CTSZ: variants seen among roughly 807,000 people sequenced by gnomAD.
CTSZ encodes cathepsin Z.
CTSZ carries 39 observed loss-of-function variants against 32.4 expected under a neutral mutation model. That is an observed-to-expected ratio of 1.20 (90% confidence interval 0.93 to 1.57). The LOEUF is 1.57. Ranked by LOEUF, CTSZ falls within the 40% of genes most tolerant of loss-of-function variation. CTSZ has a pLI of 0.00. For missense variants in CTSZ, 397 were observed against 419.6 expected (o/e 0.95, Z 0.47); for synonymous variants, 168 against 170.1 (o/e 0.99, Z 0.10).
Position 59,004,867 on chromosome 20 carries a change from G to A in CTSZ, c.307+1455C>T, listed in dbSNP as rs1365660640. ...CAGAGAGAGTCCCCTGGGGAAATGC[G>A]GCAGGGCTGACCCCTGGCCAGGGTC... On this transcript the variant is annotated intron_variant, in intron 2 of 5. Coordinates refer to ENST00000217131, the MANE Select transcript of CTSZ (RefSeq NM_001336.4). This position sits in a 1 kb window ranked among gnomAD's most constrained non-coding sequence, Gnocchi z 5.6. Among the ~76,000 whole-genome samples, 6 of 152,038 alleles carry A rather than the reference G, an allele frequency of 3.9e-5. No individual in the cohort carries two copies. The highest frequency in any genetic ancestry group is 2.6e-4 in the Admixed American group (4 of 15,274).
At position 58,995,490 on chromosome 20, in the gene CTSZ, T is replaced by C; in HGVS notation, c.*159A>G. ...TGTCATAAGTCATCCCACTTTCAAC[T>C]CTCAGGAACACTCGCAGCCAGTGCC... On this transcript the variant is annotated 3_prime_UTR_variant, in exon 6 of 6. Coordinates refer to ENST00000217131, the MANE Select transcript of CTSZ (RefSeq NM_001336.4). 1.6e-6 allele frequency: 1 copy of C among 609,592 alleles called. No individual in the cohort carries two copies. The highest frequency in any genetic ancestry group is 2.9e-6 in the Non-Finnish European group (1 of 345,872). The allele number at this position is 609,592 out of a possible 1,614,324, so 37.8% of individuals were successfully genotyped here.
At chr20:58,998,543 T>C (rs2091872047) in intron 3 of CTSZ, among the ~76,000 whole-genome samples, 2 of 38,000 alleles carry the variant, frequency 5.3e-5, no homozygotes, top group Non-Finnish European at 1.0e-4. Flanking sequence ...CGAGACTCCG[T>C]CTCAAAAAAA....
chr20:59,007,182 C>T lies in CTSZ; in HGVS notation c.-54G>A. 1.5e-6 allele frequency: 2 copies of T among 1,297,566 alleles called. No homozygotes were observed. Among genetic ancestry groups the T allele is most frequent in the Non-Finnish European group, 1.9e-6 (2 of 1,030,254 alleles). The allele number at this position is 1,297,566 out of a possible 1,614,324, so 80.4% of individuals were successfully genotyped here. ...CCGGATCCCGCTCCGAGTCCCAGAT[C>T]CCGCGCCGGCTCCCGCTCTGGATCC... On this transcript the variant is annotated 5_prime_UTR_variant, in exon 1 of 6. Coordinates refer to ENST00000217131, the MANE Select transcript of CTSZ (RefSeq NM_001336.4).
At chr20:58,998,352 C>T (rs1334762001) in intron 3 of CTSZ, among the ~76,000 whole-genome samples, 4 of 148,362 alleles carry the variant, frequency 2.7e-5, no homozygotes, top group Admixed American at 2.7e-4. Flanking sequence ...ACCAGCCTGG[C>T]CAACATGGTG....
chr20:58,999,962 C>G (rs1010819369), intron 3 of CTSZ, among the ~76,000 whole-genome samples: 1 of 151,892 alleles, frequency 6.6e-6, no homozygotes, highest in Non-Finnish European at 1.5e-5. Flanking sequence ...CCAGCTACTC[C>G]GGAGGCTGAG....
In CTSZ at chr20:58,996,638, C is replaced by T. The variant is rs1185646018; in HGVS notation, c.801+1G>A. ...ACCTTAAGAAAATGAAAACATCTTACCCATGGTTCACCCCATGAATTCCGG... is the reference window on the plus strand; with the variant it reads ...ACCTTAAGAAAATGAAAACATCTTATCCATGGTTCACCCCATGAATTCCGG... On this transcript the variant is annotated splice_donor_variant, in intron 5 of 5. Coordinates refer to ENST00000217131, the MANE Select transcript of CTSZ (RefSeq NM_001336.4). LOFTEE classifies it high-confidence loss of function. 2 of 1,604,692 alleles carry T rather than the reference C, an allele frequency of 1.2e-6. No homozygotes were observed. Among genetic ancestry groups the T allele is most frequent in the Non-Finnish European group, 1.7e-6 (2 of 1,174,986 alleles).
intron 3 of CTSZ, 83 bp from the exon 4 acceptor site, chr20:58,997,836 C>G: frequency 1.5e-6 from 2 of 1,293,802 alleles, no homozygotes; most frequent in Non-Finnish European, 1.1e-6. Context: ...CCACTCTCCA[C>G]TCTCATCATG....
rs892252273 is a variant in CTSZ at position 59,001,591 on chromosome 20, G to T, written c.361C>A (p.Gln121Lys). The T allele has an allele frequency of 1.3e-5, 21 of 1,614,090 alleles. No homozygotes were observed. The highest frequency in any genetic ancestry group is 1.8e-5 in the Non-Finnish European group (21 of 1,180,034). ...GCGTTACCGCAGTCGATGACGTTCT[G>T]CACGGACAGGAGGGTGGAGGGCCAC... ...GAWPSTLLSVQNVIDCGNAGS... is the reference protein window; with the variant it reads ...GAWPSTLLSVKNVIDCGNAGS... The change falls in exon 3 of 6, where the codon CAG becomes AAG. Residue 121 changes from glutamine to lysine, a missense_variant. Transcript: ENST00000217131.
Position 59,001,647 on chromosome 20 carries a change from G to C in CTSZ, c.308-3C>G. ...CTTCCTCTTGATGTTGATCCGATCT[G>C]CAACAGTCAGCACCTGCCAGTCAGC... On this transcript the variant is annotated splice_polypyrimidine_tract_variant and splice_region_variant and intron_variant, in intron 2 of 5. Transcript: ENST00000217131. The C allele has an allele frequency of 6.2e-7, 1 of 1,611,950 alleles. No individual in the cohort carries two copies.
chr20:58,996,751 TAG>T lies in CTSZ; in HGVS notation c.687_688del (p.Tyr230CysfsTer22). 2.5e-6 allele frequency: 4 copies of T among 1,614,228 alleles called. No individual in the cohort carries two copies. Among genetic ancestry groups the T allele is most frequent in the Non-Finnish European group, 3.4e-6 (4 of 1,180,038 alleles). ...ATATGTGGTGTCCTGGTATTCGGCATAGATGCCTCCGGTGTAGTTAGCCAGTC... is the reference window on the plus strand; with the variant it reads ...ATATGTGGTGTCCTGGTATTCGGCATATGCCTCCGGTGTAGTTAGCCAGTC... On this transcript the variant is annotated frameshift_variant, in exon 5 of 6. Transcript: ENST00000217131. LOFTEE classifies it high-confidence loss of function.
At position 59,006,150 on chromosome 20, in the gene CTSZ, G is replaced by A. The variant is rs576483145; in HGVS notation, c.307+172C>T. 1.0e-5 allele frequency: 8 copies of A among 772,288 alleles called. No homozygotes were observed. In the South Asian group the frequency reaches 1.5e-4, roughly 15 times the overall value. 47.8% of individuals were successfully genotyped at this position (772,288 alleles called of 1,614,324 possible). A position where few individuals can be genotyped will look rare whatever the true frequency, so the allele number is the denominator to read the frequency against. On this transcript the variant is annotated intron_variant, in intron 2 of 5. Coordinates refer to ENST00000217131, the MANE Select transcript of CTSZ (RefSeq NM_001336.4). ...CAAAAGCCCCAGAATGACCCAGCTT[G>A]GGTCACCTCAGCAGAGGGCAAAGGC...
intron 3 of CTSZ, among the ~76,000 whole-genome samples, chr20:58,999,896 C>G (rs1341878236): frequency 6.6e-6 from 1 of 152,104 alleles, no homozygotes; most frequent in African/African-American, 2.4e-5. Flanking sequence ...AGTGAAATCC[C>G]GCCTCTACTA....
In CTSZ at chr20:59,006,425, C is replaced by G; in HGVS notation, c.204G>C (p.Trp68Cys). 1 of 1,614,056 alleles carries G rather than the reference C, an allele frequency of 6.2e-7. No homozygotes were observed. Among genetic ancestry groups the G allele is most frequent in the East Asian group, 2.2e-5 (1 of 44,884 alleles). The change falls in exon 2 of 6, where the codon TGG (tryptophan) becomes TGC (cysteine). Residue 68 changes from tryptophan (W) to cysteine (C), a missense_variant. Coordinates refer to ENST00000217131, the MANE Select transcript of CTSZ (RefSeq NM_001336.4). ...CATAGTTGACACCATCCACATTGCGCCAGTCCCAGCTCTTGGGCAGATCCG... is the reference window on the plus strand; with the variant it reads ...CATAGTTGACACCATCCACATTGCGGCAGTCCCAGCTCTTGGGCAGATCCG... Reference protein sequence around the residue: ...SPADLPKSWDWRNVDGVNYAS... With the variant: ...SPADLPKSWDCRNVDGVNYAS...
chr20:59,001,282 C>T (rs552761280), intron 3 of CTSZ, among the ~76,000 whole-genome samples, 183 bp downstream of exon 3: 1 of 152,302 alleles, frequency 6.6e-6, no homozygotes, highest in South Asian at 2.1e-4. Context: ...GCACTGGGAA[C>T]ACTACCCCTC....
At chr20:58,995,845 T>G in intron 5 of CTSZ, 86 bp from the exon 6 acceptor site, 3 of 1,208,848 alleles carry the variant, frequency 2.5e-6, no homozygotes, top group Non-Finnish European at 3.6e-6. Context: ...CCCTGCTTTC[T>G]GCCTCCATCT....
chr20:59,001,310 C>T (rs896742423), intron 3 of CTSZ, among the ~76,000 whole-genome samples, 155 bp downstream of exon 3: 2 of 152,180 alleles, frequency 1.3e-5, no homozygotes, highest in East Asian at 3.9e-4. Flanking sequence ...AGAGCACCAG[C>T]GCCCCTGGGG....
chr20:59,003,843 G>T (rs2091899048), intron 2 of CTSZ, among the ~76,000 whole-genome samples: 1 of 152,140 alleles, frequency 6.6e-6, no homozygotes, highest in South Asian at 2.1e-4. Context: ...AGGCCAGAGG[G>T]TTCTGTCTTT....
At chr20:59,006,594 G>T in intron 1 of CTSZ, 109 bp from the exon 2 acceptor site, 1 of 1,165,622 alleles carries the variant, frequency 8.6e-7, no homozygotes, top group South Asian at 1.5e-5. Flanking sequence ...TGAGGGCATG[G>T]GAGTGGGGCC....
intron 3 of CTSZ, among the ~76,000 whole-genome samples, chr20:58,999,665 G>C (rs941364625): frequency 6.6e-6 from 1 of 152,220 alleles, no homozygotes; most frequent in Non-Finnish European, 1.5e-5. Flanking sequence ...AGGGCGCTGG[G>C]GCCAGCCTAT....
Sources: gnomAD v4.1 joint callset for allele counts (sites outside exome capture counted in the v4.1 genomes callset) on GRCh38, gnomAD v4.1.1 for gene constraint, Gnocchi (gnomAD v3.1) non-coding constraint, MANE v1.5 for transcripts, NCBI Gene and HGNC (gene_info 2026-07-23, HGNC 2026-07-21) for gene names.